MFAP5: variants seen among roughly 807,000 people sequenced by gnomAD.
MFAP5 encodes microfibrillar-associated protein 5.
MFAP5 carries 19 observed loss-of-function variants against 30.1 expected under a neutral mutation model. That is an observed-to-expected ratio of 0.63 (90% CI 0.44 to 0.93). The LOEUF (loss-of-function observed/expected upper bound fraction) is 0.93. MFAP5 is among the 40% of genes least tolerant of loss of function. MFAP5 has a pLI of 0.00. For synonymous variants in MFAP5, 92 were observed against 72.9 expected (o/e 1.26, Z -1.33); for missense variants, 210 against 221.3 (o/e 0.95, Z 0.32).
At chr12:8,649,650 G>C in intron 8 of MFAP5, 76 bp from the exon 9 acceptor site, 1 of 1,146,538 alleles carries the variant, frequency 8.7e-7, no homozygotes, top group African/African-American at 1.5e-5. Flanking sequence ...CTGGGTCTGG[G>C]ATGCCTCTTC....
At chr12:8,655,873 C>T in intron 3 of MFAP5, 43 bp from the exon 4 acceptor site, 1 of 1,547,986 alleles carries the variant, frequency 6.5e-7, no homozygotes. Context: ...TTCTCTGTCT[C>T]CCTGCCACCC....
At chr12:8,648,592 T>C (rs1941746178) in intron 9 of MFAP5, 1 of 1,186,954 alleles carries the variant, frequency 8.4e-7, no homozygotes, top group Non-Finnish European at 1.1e-6. Flanking sequence ...TCATTCAGTA[T>C]ACATTTACGT....
intron 3 of MFAP5, among the ~76,000 whole-genome samples, chr12:8,659,661 T>C (rs190982725): frequency 6.6e-6 from 1 of 152,260 alleles, no homozygotes; most frequent in East Asian, 1.9e-4. Flanking sequence ...CGGGTATTTT[T>C]ACCAACAACA....
intron 3 of MFAP5, among the ~76,000 whole-genome samples, chr12:8,656,591 TACACACAC>T (rs1268100031): frequency 6.9e-5 from 9 of 130,868 alleles, no homozygotes; most frequent in Admixed American, 1.6e-4. Context: ...TATATATATA[TACACACAC>T]ACACACACAC....
rs1216460048 is a variant in MFAP5 at position 8,662,370 on chromosome 12, C to T, written c.-3+257G>A. ...AAGTCAGAGGAAATTTTACATTCTACATGGTCCGTACTTGGCCCTACCCTT... is the reference window on the plus strand; with the variant it reads ...AAGTCAGAGGAAATTTTACATTCTATATGGTCCGTACTTGGCCCTACCCTT... On this transcript the variant is annotated intron_variant, in intron 1 of 9. Transcript: ENST00000359478. 4 of 463,290 alleles carry T rather than the reference C, an allele frequency of 8.6e-6. No individual in the cohort carries two copies. The Admixed American group carries it at 1.1e-4, about 13-fold the overall frequency. The allele number at this position is 463,290 out of a possible 1,614,324, so 28.7% of individuals were successfully genotyped here.
rs1942103650 is a variant in MFAP5, at chr12:8,660,042, TC to T, written c.94+820del. Among the ~76,000 whole-genome samples, 3 of 152,334 alleles carry T rather than the reference TC, an allele frequency of 2.0e-5. No individual in the cohort carries two copies. In the South Asian group the frequency reaches 6.2e-4, roughly 32 times the overall value. ...TTCATGAAGTCGAAGGAAGTGGTCC[TC>T]TAGGGGTCACAACTTTTGGGATTTT... On this transcript the variant is annotated intron_variant, in intron 3 of 9. Transcript: ENST00000359478.
chr12:8,654,682 G>A (rs1195560361), intron 5 of MFAP5, among the ~76,000 whole-genome samples: 2 of 151,948 alleles, frequency 1.3e-5, no homozygotes, highest in Non-Finnish European at 2.9e-5. Context: ...GCAGTGGCTC[G>A]CACCTGTAAT....
chr12:8,650,405 C>A lies in MFAP5; in HGVS notation c.335+97G>T, dbSNP rs563043058. On this transcript the variant is annotated intron_variant, in intron 8 of 9. Transcript: ENST00000359478. ...GTTGTGCTAAAAACTTTGGCCCCAT[C>A]AAAGTTTGCAATTCCATAGTGGGTG... 4.8e-6 allele frequency: 6 copies of A among 1,241,350 alleles called. No individual in the cohort carries two copies. The South Asian group carries it at 6.3e-5, about 13-fold the overall frequency. The allele number at this position is 1,241,350 out of a possible 1,614,324, so 76.9% of individuals were successfully genotyped here.
At chr12:8,648,855 G>A (rs958693301) in intron 9 of MFAP5, among the ~76,000 whole-genome samples, 20 of 152,322 alleles carry the variant, frequency 1.3e-4, no homozygotes, top group African/African-American at 4.6e-4. Flanking sequence ...GCCATCGTTC[G>A]GGGCTGGCCA....
At chr12:8,651,232 A>G (rs1036045335) in intron 7 of MFAP5, among the ~76,000 whole-genome samples, 3 of 152,228 alleles carry the variant, frequency 2.0e-5, no homozygotes, top group Non-Finnish European at 2.9e-5. Flanking sequence ...TCCCATTCTG[A>G]AAGAATCAGA....
intron 3 of MFAP5, among the ~76,000 whole-genome samples, chr12:8,656,270 G>A (rs1264308393): frequency 6.6e-6 from 1 of 151,206 alleles, no homozygotes; most frequent in Admixed American, 6.6e-5. Flanking sequence ...CCGTGGTCTC[G>A]ATCTCCTGAC....
rs1165013254 is a variant in MFAP5, at chr12:8,647,242, A to G, written c.*849T>C. The G allele has an allele frequency of 6.6e-6, 1 of 152,258 alleles. No homozygotes were observed. The highest frequency in any genetic ancestry group is 1.5e-5 in the Non-Finnish European group (1 of 68,044). 9.4% of individuals were successfully genotyped at this position (152,258 alleles called of 1,614,324 possible). A position where few individuals can be genotyped will look rare whatever the true frequency, so the allele number is the denominator to read the frequency against. On this transcript the variant is annotated 3_prime_UTR_variant, in exon 10 of 10. Transcript: ENST00000359478. ...AGATGAACGAAGTAGCAACTCAAGG[A>G]AACGTCAACCAATGGTATGATTTCA...
chr12:8,650,459 A>T (rs376251723), intron 8 of MFAP5, 43 bp downstream of exon 8: 1 of 1,578,300 alleles, frequency 6.3e-7, no homozygotes, highest in South Asian at 1.1e-5. Context: ...ACACAGAAAC[A>T]CTACCATGGA....
intron 3 of MFAP5, 109 bp from the exon 4 acceptor site, chr12:8,655,939 C>T: frequency 1.1e-6 from 1 of 890,102 alleles, no homozygotes. Context: ...GTTGAGTATC[C>T]CACAAATGTT....
At chr12:8,651,770 G>T in intron 6 of MFAP5, 79 bp from the exon 7 acceptor site, 1 of 1,316,378 alleles carries the variant, frequency 7.6e-7, no homozygotes, top group Non-Finnish European at 1.1e-6. Flanking sequence ...GCCTCACTTA[G>T]GACCTGCTTG....
intron 3 of MFAP5, among the ~76,000 whole-genome samples, chr12:8,659,105 T>C (rs1210238466): frequency 6.6e-6 from 1 of 151,668 alleles, no homozygotes; most frequent in Non-Finnish European, 1.5e-5. Flanking sequence ...GGTCAGGAGT[T>C]TGCGACCAGC....
intron 6 of MFAP5, among the ~76,000 whole-genome samples, chr12:8,653,091 C>G (rs1941882242): frequency 6.6e-6 from 1 of 151,490 alleles, no homozygotes. Context: ...ACTTGGGAGG[C>G]TGAAGCAGGA....
chr12:8,649,628 A>G, intron 8 of MFAP5, 54 bp from the exon 9 acceptor site: 1 of 1,470,956 alleles, frequency 6.8e-7, no homozygotes, highest in Non-Finnish European at 9.5e-7. Flanking sequence ...AAGCCTTGAG[A>G]GGAGAACTCA....
Position 8,648,110 on chromosome 12 carries a change from T to C in MFAP5, c.503A>G (p.Gln168Arg). Residue 168 changes from glutamine (Q) to arginine (R), a missense_variant, in exon 10 of 10, where the codon CAG becomes CGG. Coordinates refer to ENST00000359478, the MANE Select transcript of MFAP5 (RefSeq NM_003480.4). ...RLPPCENVDLQRPNGL is the reference protein window; with the variant it reads ...RLPPCENVDLRRPNGL The stretch of plus-strand genomic sequence containing the variant: ...CAATGATCACAGACCATTGGGTCTC[T>C]GCAAATCCACATTTTCACAGGGAGG... The C allele has an allele frequency of 1.2e-6, 2 of 1,613,702 alleles. No individual in the cohort carries two copies. The highest frequency in any genetic ancestry group is 1.7e-6 in the Non-Finnish European group (2 of 1,179,614).
Sources: gnomAD v4.1 joint callset for allele counts (sites outside exome capture counted in the v4.1 genomes callset) on GRCh38, gnomAD v4.1.1 for gene constraint, MANE v1.5 for transcripts, NCBI Gene and HGNC (gene_info 2026-07-23, HGNC 2026-07-21) for gene names.